PITPNM3: variants seen among roughly 807,000 people sequenced by gnomAD.
PITPNM3 encodes the protein PITPNM family member 3.
PITPNM3 carries 26 observed loss-of-function variants against 102.0 expected under a neutral mutation model. The ratio of observed to expected loss-of-function variants is 0.25; its 90% CI spans 0.19 to 0.35. The LOEUF is 0.35. PITPNM3 is among the 10% of genes least tolerant of loss of function. The pLI is 1.00. For synonymous variants in PITPNM3, 578 were observed against 558.6 expected, an observed-to-expected ratio of 1.03 and a Z score of -0.49; for missense variants, 1,083 against 1,346.1, an observed-to-expected ratio of 0.80 and a Z score of 3.06.
chr17:6,472,288 T>C lies in PITPNM3; in HGVS notation c.1429+369A>G, dbSNP rs1905110629. The stretch of plus-strand genomic sequence containing the variant: ...CCCTAATCAAAGGCCACCTCTTCCA[T>C]GAAGCCCACCAGGATGGCACACTCT... On this transcript the variant is annotated intron_variant, in intron 11 of 19. Transcript: ENST00000262483. This position sits in a 1 kb window ranked among gnomAD's most constrained non-coding sequence, Gnocchi z 4.1. Among the ~76,000 whole-genome samples, 1 of 152,074 alleles carries C rather than the reference T, an allele frequency of 6.6e-6. No individual in the cohort carries two copies. The highest frequency in any genetic ancestry group is 6.5e-5 in the Admixed American group (1 of 15,272).
chr17:6,457,709 AT>A lies in PITPNM3; in HGVS notation c.2503del (p.Ile835SerfsTer41). Reference sequence around the variant, plus strand: ...CTTCGTGGAGCCATAGGCCGCACTGATTTTGATGAAGCACTGAAACACAGGG... The same window carrying A: ...CTTCGTGGAGCCATAGGCCGCACTGATTTGATGAAGCACTGAAACACAGGG... ...RNLMQECFIK[I>X]SAAYGSTKDI... is the part of the protein sequence containing the mutation. On this transcript the variant is annotated frameshift_variant, in exon 19 of 20. Coordinates refer to ENST00000262483, the MANE Select transcript of PITPNM3 (RefSeq NM_031220.4). LOFTEE classifies it high-confidence loss of function. This position sits in a 1 kb window ranked among gnomAD's most constrained non-coding sequence, Gnocchi z 4.7. 6.3e-7 allele frequency: 1 copy of A among 1,588,864 alleles called. No individual in the cohort carries two copies. Among genetic ancestry groups the A allele is most frequent in the Non-Finnish European group, 8.6e-7 (1 of 1,167,252 alleles).
chr17:6,525,221 A>G, intron 3 of PITPNM3, 135 bp downstream of exon 3: 2 of 805,198 alleles, frequency 2.5e-6, no homozygotes, highest in Admixed American at 1.9e-5. Flanking sequence ...AAATTCAGGG[A>G]TGCTATGAAG....
chr17:6,486,191 G>T (rs1255596512), intron 4 of PITPNM3, among the ~76,000 whole-genome samples: 1 of 152,152 alleles, frequency 6.6e-6, no homozygotes, highest in Non-Finnish European at 1.5e-5. Context: ...CCATGAGATG[G>T]ATGCTACCTC....
intron 4 of PITPNM3, among the ~76,000 whole-genome samples, chr17:6,495,807 C>A (rs1906772807): frequency 6.6e-6 from 1 of 152,176 alleles, no homozygotes; most frequent in East Asian, 1.9e-4. Context: ...AGGGAATGTA[C>A]AGTCAAAATC....
At chr17:6,456,063 G>A (rs530484965) in intron 19 of PITPNM3, among the ~76,000 whole-genome samples, 7 of 151,600 alleles carry the variant, frequency 4.6e-5, no homozygotes, top group South Asian at 2.1e-4. Flanking sequence ...TCGCTGTGTC[G>A]CCCAGGCTGG....
chr17:6,546,614 A>G (rs1018816219), intron 1 of PITPNM3, among the ~76,000 whole-genome samples: 2 of 152,186 alleles, frequency 1.3e-5, no homozygotes, highest in Non-Finnish European at 2.9e-5. Flanking sequence ...GAGCAACAAC[A>G]CTGCTAGCCA....
intron 1 of PITPNM3, among the ~76,000 whole-genome samples, chr17:6,555,593 G>C (rs1159217923): frequency 6.6e-6 from 1 of 152,244 alleles, no homozygotes; most frequent in African/African-American, 2.4e-5. Flanking sequence ...TGCCCGATGA[G>C]TCACGGGCCT....
At chr17:6,488,640 A>G (rs1434910979) in intron 4 of PITPNM3, among the ~76,000 whole-genome samples, 1 of 152,168 alleles carries the variant, frequency 6.6e-6, no homozygotes, top group African/African-American at 2.4e-5. Flanking sequence ...GTTGCTTCAA[A>G]GTACTCACAG....
Position 6,468,287 on chromosome 17 carries a change from C to A in PITPNM3, c.1828G>T (p.Ala610Ser). ...TCCCGGGGGTTGGCAGGACTCAGTG[C>A]TGCAGGGTCCAGGCGGGCGCTTTCC... ...IKESARLDPA[A>S]LSPANPREKW... The change falls in exon 14 of 20, where the codon GCA becomes TCA. Residue 610 changes from alanine (A) to serine (S), a missense_variant. This residue lies in a region of PITPNM3 where 410 missense variants were observed against 638.4 expected (regional missense o/e 0.64). Coordinates refer to ENST00000262483, the MANE Select transcript of PITPNM3 (RefSeq NM_031220.4). The surrounding 1 kb of genome is among the most constrained non-coding windows in gnomAD (Gnocchi z 5.2). The A allele has an allele frequency of 6.2e-7, 1 of 1,614,038 alleles. No individual in the cohort carries two copies. Among genetic ancestry groups the A allele is most frequent in the South Asian group, 1.1e-5 (1 of 91,076 alleles).
At chr17:6,546,709 C>A (rs1231860462) in intron 1 of PITPNM3, among the ~76,000 whole-genome samples, 1 of 152,204 alleles carries the variant, frequency 6.6e-6, no homozygotes, top group African/African-American at 2.4e-5. Flanking sequence ...TATGTTCACT[C>A]TAAAGTCTGT....
At chr17:6,460,549 C>G (rs1483836156) in intron 18 of PITPNM3, 1 of 152,424 alleles carries the variant, frequency 6.6e-6, no homozygotes, top group Non-Finnish European at 1.5e-5. Flanking sequence ...ATAGACAATA[C>G]GTAGACAGAT....
rs756188378 is a variant in PITPNM3 at position 6,468,214 on chromosome 17, C to T, written c.1890+11G>A. The stretch of plus-strand genomic sequence containing the variant: ...CAGTCCCAGCCACATGCGAACTGAG[C>T]ATGCACGCACCCTCAGCTTGACCTG... On this transcript the variant is annotated intron_variant, in intron 14 of 19. Coordinates refer to ENST00000262483, the MANE Select transcript of PITPNM3 (RefSeq NM_031220.4). The surrounding 1 kb of genome is among the most constrained non-coding windows in gnomAD (Gnocchi z 5.2). 35 of 1,608,492 alleles carry T rather than the reference C, an allele frequency of 2.2e-5. No individual in the cohort carries two copies. The highest frequency in any genetic ancestry group is 2.7e-5 in the African/African-American group (2 of 74,832).
At chr17:6,518,427 A>C (rs1908307372) in intron 3 of PITPNM3, among the ~76,000 whole-genome samples, 1 of 151,664 alleles carries the variant, frequency 6.6e-6, no homozygotes, top group African/African-American at 2.4e-5. Flanking sequence ...AAATTTTACC[A>C]AAAAAAGGTA....
chr17:6,473,108 TC>T (rs1174611226), intron 10 of PITPNM3: 1 of 487,136 alleles, frequency 2.1e-6, no homozygotes, highest in Non-Finnish European at 3.8e-6. Flanking sequence ...ACATCCCTTC[TC>T]CTTGTGGGCC....
intron 1 of PITPNM3, among the ~76,000 whole-genome samples, chr17:6,551,742 T>G (rs1910316107): frequency 6.6e-6 from 1 of 152,180 alleles, no homozygotes; most frequent in South Asian, 2.1e-4. Flanking sequence ...AAAATTTTTT[T>G]TTTTTTAATC....
intron 4 of PITPNM3, among the ~76,000 whole-genome samples, chr17:6,496,214 G>C (rs532533007): frequency 2.0e-5 from 3 of 152,016 alleles, no homozygotes; most frequent in Admixed American, 6.6e-5. Context: ...TGAGCCTTCC[G>C]TTTCCTGCTA....
intron 4 of PITPNM3, among the ~76,000 whole-genome samples, chr17:6,496,337 T>C (rs1196788254): frequency 6.6e-6 from 1 of 152,134 alleles, no homozygotes; most frequent in Non-Finnish European, 1.5e-5. Flanking sequence ...CCCCGCCTTC[T>C]GCTCCGCTCT....
chr17:6,487,788 G>A (rs1906185966), intron 4 of PITPNM3, among the ~76,000 whole-genome samples: 1 of 152,142 alleles, frequency 6.6e-6, no homozygotes, highest in Admixed American at 6.5e-5. Context: ...CATCAAATCG[G>A]TGGATGACTG....
rs1191843031 is a variant in PITPNM3 at position 6,531,495 on chromosome 17, G to C, written c.119-6032C>G. Among the ~76,000 whole-genome samples, 4 of 152,194 alleles carry C rather than the reference G, an allele frequency of 2.6e-5. No homozygotes were observed. In the East Asian group the frequency reaches 7.7e-4, roughly 29 times the overall value. ...CCCATGGCTTCTGGCCAGACTACCT[G>C]TCACCCAGCAATCTTCATCCCTCAC... On this transcript the variant is annotated intron_variant, in intron 2 of 19. Transcript: ENST00000262483.
Sources: gnomAD v4.1 joint callset for allele counts (sites outside exome capture counted in the v4.1 genomes callset) on GRCh38, gnomAD v4.1.1 for gene constraint, gnomAD v4.1.1 regional missense constraint, Gnocchi (gnomAD v3.1) non-coding constraint, MANE v1.5 for transcripts, NCBI Gene and HGNC (gene_info 2026-07-23, HGNC 2026-07-21) for gene names.